Variants in HSBP1L1 observed in about 807,000 individuals in gnomAD.
HSBP1L1 encodes the protein heat shock factor binding protein 1 like 1, also known as heat shock factor-binding protein 1-like protein 1.
In HSBP1L1, 8 loss-of-function variants were observed where a neutral mutation model predicts 9.7. That is an observed-to-expected ratio of 0.82 (90% confidence interval 0.48 to 1.48). The LOEUF (loss-of-function observed/expected upper bound fraction) is 1.48. Among genes scored for constraint, HSBP1L1 ranks in the 40% most tolerant of loss-of-function variants. The pLI, the probability that HSBP1L1 is intolerant of heterozygous loss-of-function variation, is 0.00. For synonymous variants in HSBP1L1, 39 were observed against 34.4 expected, an observed-to-expected ratio of 1.13 and a Z score of -0.46; for missense variants, 106 against 95.8, an observed-to-expected ratio of 1.11 and a Z score of -0.44.
chr18:79,969,353 AAG>A (rs1264184100), intron 3 of HSBP1L1, among the ~76,000 whole-genome samples: 6 of 44,438 alleles, frequency 1.4e-4, no homozygotes, highest in East Asian at 1.5e-3. Context: ...GAAAGAAAGA[AAG>A]AAAGAAAGAA....
chr18:79,966,555 A>T (rs201031741), intron 1 of HSBP1L1, 57 bp from the exon 2 acceptor site: 3 of 1,343,036 alleles, frequency 2.2e-6, no homozygotes, highest in Non-Finnish European at 3.1e-6. Flanking sequence ...AAAAAAAAAA[A>T]AACTCATATG....
rs566357836 is a variant in HSBP1L1, at chr18:79,969,790, G to A, written c.214-650G>A. Among the ~76,000 whole-genome samples, 6 of 152,292 alleles carry A rather than the reference G, an allele frequency of 3.9e-5. No homozygotes were observed. The East Asian group carries it at 7.7e-4, about 20-fold the overall frequency. On this transcript the variant is annotated intron_variant, in intron 3 of 3. Transcript: ENST00000451882. ...TCAGTACTGAGATTCATGTCGACAC[G>A]TGTCGCTCTAGGTCAGTCGCCAACT...
intron 1 of HSBP1L1, among the ~76,000 whole-genome samples, chr18:79,965,413 G>T (rs574208175): frequency 1.3e-5 from 2 of 152,230 alleles, no homozygotes; most frequent in Admixed American, 6.6e-5. Context: ...CTATGTCGAC[G>T]GGATTCTAGA....
Position 79,968,106 on chromosome 18 carries a change from C to G in HSBP1L1, c.136C>G (p.Arg46Gly). The change falls in exon 3 of 4, where the codon CGC (arginine) becomes GGC (glycine). Residue 46 changes from arginine (R) to glycine (G), a missense_variant. Coordinates refer to ENST00000451882, the MANE Select transcript of HSBP1L1 (RefSeq NM_001136180.2). ...LNLRMEEMGN[R>G]IEDLQKNVKD... ...CACTGTACTGGAAGAAATGGGAAAT[C>G]GCATTGAGGACTTACAGAAGAATGT... 6.5e-7 allele frequency: 1 copy of G among 1,548,950 alleles called. No individual in the cohort carries two copies. The highest frequency in any genetic ancestry group is 1.2e-5 in the South Asian group (1 of 83,956).
intron 2 of HSBP1L1, 140 bp from the exon 3 acceptor site, chr18:79,967,949 T>G: frequency 1.8e-6 from 1 of 555,154 alleles, no homozygotes. Context: ...GAAGCTGATT[T>G]GCATGGACAC....
chr18:79,969,339 G>GAA lies in HSBP1L1; in HGVS notation c.214-1099_214-1098dup, dbSNP rs1555716350. Among the ~76,000 whole-genome samples the GAA allele has an allele frequency of 2.2e-3, 42 of 18,802 alleles. 1 individual carries two copies. Among genetic ancestry groups the GAA allele is most frequent in the Admixed American group, 0.017 (28 of 1,614 alleles). 12.3% of individuals were successfully genotyped at this position (18,802 alleles called of 152,430 possible). A position where few individuals can be genotyped will look rare whatever the true frequency, so the allele number is the denominator to read the frequency against. ...AAAGAAAGAAAGAAAGAAAAAGAAA[G>GAA]AAAGAAAGAAAGAAAGAAAGAAAGA... On this transcript the variant is annotated intron_variant, in intron 3 of 3. Coordinates refer to ENST00000451882, the MANE Select transcript of HSBP1L1 (RefSeq NM_001136180.2).
intron 3 of HSBP1L1, among the ~76,000 whole-genome samples, chr18:79,968,875 G>A (rs1219935031): frequency 4.6e-5 from 7 of 151,486 alleles, no homozygotes; most frequent in Non-Finnish European, 8.8e-5. Context: ...AAAGCCATTA[G>A]TAAAAATAAC....
chr18:79,970,821 A>G lies in HSBP1L1; in HGVS notation c.*370A>G, dbSNP rs1285091320. ...CAATAAACTTACAAATGTGGAATGT[A>G]ATTATTTTATCTTTTTCTGGTAACG... On this transcript the variant is annotated 3_prime_UTR_variant, in exon 4 of 4. Transcript: ENST00000451882. 4.8e-6 allele frequency: 1 copy of G among 210,404 alleles called. No homozygotes were observed. Among genetic ancestry groups the G allele is most frequent in the East Asian group, 9.4e-5 (1 of 10,652 alleles). 13.0% of individuals were successfully genotyped at this position (210,404 alleles called of 1,614,324 possible). A position where few individuals can be genotyped will look rare whatever the true frequency, so the allele number is the denominator to read the frequency against.
At chr18:79,969,526 T>C (rs1033226760) in intron 3 of HSBP1L1, among the ~76,000 whole-genome samples, 7 of 152,108 alleles carry the variant, frequency 4.6e-5, no homozygotes, top group Non-Finnish European at 1.0e-4. Context: ...TGCATTTTAA[T>C]TTTTGGGTGT....
At position 79,964,784 on chromosome 18, in the gene HSBP1L1, G is replaced by A; in HGVS notation, c.49G>A (p.Ala17Thr). The change falls in exon 1 of 4, where the codon GCG becomes ACG. Residue 17 changes from alanine (A) to threonine (T), a missense_variant and splice_region_variant. Coordinates refer to ENST00000451882, the MANE Select transcript of HSBP1L1 (RefSeq NM_001136180.2). ...CCCCGGCGGGCGCGCGCTGCGGGAC[G>A]CGGTGAGCCCCTCCCCGACTCCTGC... ...EAPGGRALRDAAENLFQELQE... is the reference protein window; with the variant it reads ...EAPGGRALRDTAENLFQELQE... 1 of 1,376,908 alleles carries A rather than the reference G, an allele frequency of 7.3e-7. No individual in the cohort carries two copies. Among genetic ancestry groups the A allele is most frequent in the Admixed American group, 3.0e-5 (1 of 33,074 alleles). The allele number at this position is 1,376,908 out of a possible 1,614,324, so 85.3% of individuals were successfully genotyped here. A position where few individuals can be genotyped will look rare whatever the true frequency, so the allele number is the denominator to read the frequency against.
chr18:79,967,078 G>A (rs563560682), intron 2 of HSBP1L1: 1 of 153,814 alleles, frequency 6.5e-6, no homozygotes, highest in African/African-American at 2.4e-5. Context: ...AACCCGGGAG[G>A]TGGAGCTTGC....
chr18:79,964,717 C>G lies in HSBP1L1; in HGVS notation c.-19C>G, dbSNP rs2051247703. ...CGGCCCACGGGACCCCCCACTGACG[C>G]CCCCGGCCAGCGGTCCACATGGACG... On this transcript the variant is annotated 5_prime_UTR_variant, in exon 1 of 4. Coordinates refer to ENST00000451882, the MANE Select transcript of HSBP1L1 (RefSeq NM_001136180.2). 2 of 1,393,106 alleles carry G rather than the reference C, an allele frequency of 1.4e-6. No individual in the cohort carries two copies. The highest frequency in any genetic ancestry group is 3.0e-5 in the Admixed American group (1 of 33,048). 86.3% of individuals were successfully genotyped at this position (1,393,106 alleles called of 1,614,324 possible).
At chr18:79,968,217 CG>C (rs1370551406) in intron 3 of HSBP1L1, 34 bp downstream of exon 3, 1 of 1,315,146 alleles carries the variant, frequency 7.6e-7, no homozygotes, top group Non-Finnish European at 1.1e-6. Context: ...CAACCGTTTT[CG>C]TATGTTTTGA....
chr18:79,969,341 AAGAAAG>A (rs1197862375), intron 3 of HSBP1L1, among the ~76,000 whole-genome samples: 1 of 27,416 alleles, frequency 3.6e-5, no homozygotes, highest in Non-Finnish European at 9.3e-5. Context: ...AAAAGAAAGA[AAGAAAG>A]AAAGAAAGAA....
intron 1 of HSBP1L1, among the ~76,000 whole-genome samples, chr18:79,965,046 G>A (rs1427297471): frequency 1.4e-5 from 2 of 140,998 alleles, no homozygotes; most frequent in Non-Finnish European, 3.1e-5. Flanking sequence ...TGAGGTGCAG[G>A]GGGGAGCCCT....
At chr18:79,969,421 G>A (rs1365268975) in intron 3 of HSBP1L1, among the ~76,000 whole-genome samples, 7 of 151,646 alleles carry the variant, frequency 4.6e-5, no homozygotes, top group South Asian at 4.2e-4. Context: ...TAGCGCCCAC[G>A]TTGAGCAGGT....
intron 1 of HSBP1L1, among the ~76,000 whole-genome samples, chr18:79,965,589 GTATA>G (rs2051252735): frequency 6.6e-6 from 1 of 152,228 alleles, no homozygotes; most frequent in African/African-American, 2.4e-5. Flanking sequence ...CTACAAAGCA[GTATA>G]TAAACAGGAA....
chr18:79,969,380 A>AAAG, intron 3 of HSBP1L1, among the ~76,000 whole-genome samples: 1 of 55,568 alleles, frequency 1.8e-5, no homozygotes, highest in South Asian at 1.0e-3. Flanking sequence ...AGAAAGAAAG[A>AAAG]AAGAAAGAAA....
chr18:79,968,929 A>AT (rs1182280593), intron 3 of HSBP1L1, among the ~76,000 whole-genome samples: 5 of 150,132 alleles, frequency 3.3e-5, no homozygotes, highest in African/African-American at 1.2e-4. Flanking sequence ...TCAGCCTGTA[A>AT]TCCCAGCACT....
Sources: gnomAD v4.1 joint callset for allele counts (sites outside exome capture counted in the v4.1 genomes callset) on GRCh38, gnomAD v4.1.1 for gene constraint, MANE v1.5 for transcripts, NCBI Gene and HGNC (gene_info 2026-07-23, HGNC 2026-07-21) for gene names.